Variants in ABCG8 observed in about 807,000 individuals in gnomAD.
ABCG8 encodes ATP binding cassette subfamily G member 8.
Under a neutral mutation model 71.3 loss-of-function variants are expected in ABCG8, and 81 were observed. The observed-to-expected ratio is 1.14, with a 90% CI of 0.95 to 1.37. ABCG8 has a LOEUF of 1.37. Among genes scored for constraint, ABCG8 ranks in the 40% most tolerant of loss-of-function variants. ABCG8 has a pLI of 0.00. For synonymous variants in ABCG8, 451 were observed against 354.7 expected (o/e 1.27, Z -3.05); for missense variants, 1,119 against 866.2 (o/e 1.29, Z -3.66).
chr2:43,866,706 G>GAAACAAC (rs1669543096), intron 6 of ABCG8, among the ~76,000 whole-genome samples: 3 of 151,896 alleles, frequency 2.0e-5, no homozygotes, highest in Admixed American at 2.0e-4. Context: ...ACAGGTGCTG[G>GAAACAAC]AGAGGATGTG....
chr2:43,869,946 T>C (rs992129268), intron 6 of ABCG8, among the ~76,000 whole-genome samples: 6 of 152,088 alleles, frequency 3.9e-5, no homozygotes, highest in African/African-American at 1.4e-4. Flanking sequence ...ATTCTCACTG[T>C]CGATCACGTT....
chr2:43,844,694 A>G (rs4148212), intron 2 of ABCG8, 86 bp downstream of exon 2: 2 of 1,035,240 alleles, frequency 1.9e-6, no homozygotes, highest in Non-Finnish European at 3.0e-6. Flanking sequence ...GGTGGGCCCA[A>G]CTTGCAGGCC....
intron 6 of ABCG8, among the ~76,000 whole-genome samples, chr2:43,863,425 A>C (rs1178657688): frequency 1.3e-5 from 2 of 150,422 alleles, no homozygotes; most frequent in Admixed American, 6.6e-5. Flanking sequence ...TTCCCATCTG[A>C]ATAGTACTCT....
chr2:43,846,652 G>A (rs1276810811), intron 3 of ABCG8: 1 of 361,876 alleles, frequency 2.8e-6, no homozygotes, highest in Non-Finnish European at 5.4e-6. Flanking sequence ...GCCATGAGGG[G>A]CATTGGTTCA....
chr2:43,867,985 A>G (rs1382256842), intron 6 of ABCG8, among the ~76,000 whole-genome samples: 3 of 151,638 alleles, frequency 2.0e-5, no homozygotes, highest in Admixed American at 6.6e-5. Flanking sequence ...CTATCTGGAT[A>G]GAATGCTCAC....
chr2:43,877,586 C>A lies in ABCG8; in HGVS notation c.1782C>A (p.Ser594=), dbSNP rs139835626. The change falls in exon 12 of 13, where the codon TCC becomes TCA. Residue 594 remains serine (S), a synonymous_variant. Transcript: ENST00000272286. The part of the protein sequence containing the change: ...WTVPAWISKV[S]FLRWCFEGLM... Reference sequence around the variant, plus strand: ...TGCCCGCGTGGATTTCCAAAGTGTCCTTCCTGCGGTGGTGTTTTGAAGGGC... The same window carrying A: ...TGCCCGCGTGGATTTCCAAAGTGTCATTCCTGCGGTGGTGTTTTGAAGGGC... 6.2e-7 allele frequency: 1 copy of A among 1,614,096 alleles called. No homozygotes were observed. The highest frequency in any genetic ancestry group is 8.5e-7 in the Non-Finnish European group (1 of 1,180,016).
At position 43,844,665 on chromosome 2, in the gene ABCG8, C is replaced by T. The variant is rs370170786; in HGVS notation, c.165+57C>T. On this transcript the variant is annotated intron_variant, in intron 2 of 12. Transcript: ENST00000272286. ...AGCAGGCAGGGACAGCCAGGAAATT[C>T]CCCGGGTGGAAATAAAAGGGTGGGC... is the stretch of plus-strand genomic sequence containing the variant. The T allele has an allele frequency of 1.3e-5, 18 of 1,415,486 alleles. 1 individual carries two copies. Among genetic ancestry groups the T allele is most frequent in the Middle Eastern group, 3.5e-4 (2 of 5,710 alleles). 87.7% of individuals were successfully genotyped at this position (1,415,486 alleles called of 1,614,324 possible).
Position 43,873,472 on chromosome 2 carries a change from G to A in ABCG8, c.1212-315G>A, listed in dbSNP as rs138699633. Among the ~76,000 whole-genome samples the A allele has an allele frequency of 9.4e-4, 143 of 152,214 alleles. 2 individuals are homozygous for A. In the East Asian group the frequency reaches 0.025, roughly 27 times the overall value. On this transcript the variant is annotated intron_variant, in intron 8 of 12. Coordinates refer to ENST00000272286, the MANE Select transcript of ABCG8 (RefSeq NM_022437.3). ...CTCCCAAAATGCTGGGATTACAAGC[G>A]TGAGCCACCACGCCCAGCCTGTCCG...
chr2:43,853,545 C>T (rs373853456), intron 6 of ABCG8, among the ~76,000 whole-genome samples: 1 of 152,174 alleles, frequency 6.6e-6, no homozygotes, highest in Non-Finnish European at 1.5e-5. Flanking sequence ...ATGGCTTATG[C>T]TATAGGTCGC....
At position 43,877,608 on chromosome 2, in the gene ABCG8, G is replaced by A. The variant is rs775812812; in HGVS notation, c.1804G>A (p.Gly602Arg). Residue 602 changes from glycine to arginine, a missense_variant, in exon 12 of 13, where the codon GGG becomes AGG. By Grantham distance (125) the Gly-to-Arg change is moderately radical (BLOSUM62 -2). Transcript: ENST00000272286. ...GTCCTTCCTGCGGTGGTGTTTTGAAGGGCTGATGAAGATTCAGTTCAGCAG... is the reference window on the plus strand; with the variant it reads ...GTCCTTCCTGCGGTGGTGTTTTGAAAGGCTGATGAAGATTCAGTTCAGCAG... ...KVSFLRWCFE[G>R]LMKIQFSRRT... The A allele has an allele frequency of 2.5e-6, 4 of 1,614,116 alleles. No homozygotes were observed. The highest frequency in any genetic ancestry group is 1.1e-5 in the South Asian group (1 of 91,070).
In ABCG8 at chr2:43,880,166, ATTTTTTGTTTTG is replaced by A. The variant is rs1670090607; in HGVS notation, c.*2260_*2271del. On this transcript the variant is annotated 3_prime_UTR_variant, in exon 13 of 13. Coordinates refer to ENST00000272286, the MANE Select transcript of ABCG8 (RefSeq NM_022437.3). ...TGAAACAACCAAGAGTTTCAGGCTC[ATTTTTTGTTTTG>A]TTTTTTTTTTTTTGAGACAGAATCT... 1 of 102,536 alleles carries A rather than the reference ATTTTTTGTTTTG, an allele frequency of 9.8e-6. No individual in the cohort carries two copies. Among genetic ancestry groups the A allele is most frequent in the African/African-American group, 3.9e-5 (1 of 25,934 alleles). 6.4% of individuals were successfully genotyped at this position (102,536 alleles called of 1,614,324 possible).
At chr2:43,859,485 A>G (rs968591085) in intron 6 of ABCG8, among the ~76,000 whole-genome samples, 1 of 151,244 alleles carries the variant, frequency 6.6e-6, no homozygotes, top group Non-Finnish European at 1.5e-5. Context: ...CTCACTCTGC[A>G]TAGAACTCTC....
intron 4 of ABCG8, 124 bp downstream of exon 4, chr2:43,851,946 C>T (rs985911152): frequency 6.2e-6 from 7 of 1,122,590 alleles, no homozygotes; most frequent in Middle Eastern, 2.6e-4. Context: ...CTCAGCTTGC[C>T]TTCCGCCAGC....
intron 8 of ABCG8, among the ~76,000 whole-genome samples, chr2:43,873,188 C>T (rs958235636): frequency 7.1e-6 from 1 of 140,424 alleles, no homozygotes; most frequent in Non-Finnish European, 1.5e-5. Context: ...ATTGAGCGTA[C>T]ATTTTTTTTT....
chr2:43,844,803 G>A (rs959238107), intron 2 of ABCG8, among the ~76,000 whole-genome samples, 195 bp downstream of exon 2: 1 of 152,130 alleles, frequency 6.6e-6, no homozygotes, highest in Non-Finnish European at 1.5e-5. Context: ...AGGTTGAGAG[G>A]CTTGAAAAGA....
At chr2:43,862,904 A>G (rs1409725454) in intron 6 of ABCG8, among the ~76,000 whole-genome samples, 4 of 149,776 alleles carry the variant, frequency 2.7e-5, no homozygotes, top group African/African-American at 9.8e-5. Flanking sequence ...ACCATCTGGA[A>G]ACAACTCTTA....
chr2:43,855,596 A>G (rs1179801294), intron 6 of ABCG8, among the ~76,000 whole-genome samples: 1 of 152,058 alleles, frequency 6.6e-6, no homozygotes, highest in Non-Finnish European at 1.5e-5. Flanking sequence ...CTATCTATCT[A>G]GATAGAATTA....
Position 43,879,841 on chromosome 2 carries a change from A to G in ABCG8, c.*1928A>G, listed in dbSNP as rs561627094. The G allele has an allele frequency of 6.6e-6, 1 of 152,302 alleles. No individual in the cohort carries two copies. The highest frequency in any genetic ancestry group is 2.4e-5 in the African/African-American group (1 of 41,556). The allele number at this position is 152,302 out of a possible 1,614,324, so 9.4% of individuals were successfully genotyped here. The stretch of plus-strand genomic sequence containing the variant: ...TCCCATACCAACAACGTTCACTTTG[A>G]TCACTTGATTAAAGGGGTGTCTGCT... On this transcript the variant is annotated 3_prime_UTR_variant, in exon 13 of 13. Transcript: ENST00000272286.
chr2:43,859,165 G>T (rs1049252917), intron 6 of ABCG8, among the ~76,000 whole-genome samples: 70 of 146,712 alleles, frequency 4.8e-4, no homozygotes, highest in Middle Eastern at 4.1e-3. Flanking sequence ...TTCTCACTCT[G>T]TGGATAGAAC....
Sources: gnomAD v4.1 joint callset for allele counts (sites outside exome capture counted in the v4.1 genomes callset) on GRCh38, gnomAD v4.1.1 for gene constraint, MANE v1.5 for transcripts, NCBI Gene and HGNC (gene_info 2026-07-23, HGNC 2026-07-21) for gene names.